Variants in BEGAIN observed in about 807,000 individuals in gnomAD.
BEGAIN encodes the protein brain enriched guanylate kinase associated, also known as brain-enriched guanylate kinase-associated protein.
A neutral mutation model predicts 35.8 loss-of-function variants in BEGAIN; 19 were observed. The observed-to-expected ratio is 0.53, with a 90% CI of 0.37 to 0.78. The LOEUF is 0.78. BEGAIN is among the 30% of genes least tolerant of loss of function. The probability of loss-of-function intolerance (pLI) is 0.00; values close to 1 mark genes in which losing one functional copy is unlikely to be tolerated. For synonymous variants in BEGAIN, 462 were observed against 388.6 expected, an observed-to-expected ratio of 1.19 and a Z score of -2.22; for missense variants, 795 against 853.6, an observed-to-expected ratio of 0.93 and a Z score of 0.85.
At position 100,538,242 on chromosome 14, in the gene BEGAIN, G is replaced by A. The variant is rs767690079; in HGVS notation, c.1566C>T (p.Pro522=). 3 of 1,570,056 alleles carry A rather than the reference G, an allele frequency of 1.9e-6. No homozygotes were observed. Among genetic ancestry groups the A allele is most frequent in the African/African-American group, 2.7e-5 (2 of 73,608 alleles). ...LRAGGDLSLS[P]GRSADPLPGY... ...CGGGCAGTGGGTCAGCCGAGCGGCC[G>A]GGACTGAGGCTCAGGTCGCCGCCCG... The change falls in exon 7 of 7, where the codon CCC becomes CCT. Residue 522 remains proline, a synonymous_variant. Transcript: ENST00000554140.
At chr14:100,545,279 C>T in intron 3 of BEGAIN, 2 of 1,401,100 alleles carry the variant, frequency 1.4e-6, no homozygotes, top group South Asian at 3.1e-5. Context: ...TAGGCCAGGG[C>T]CCAGGACTGT....
Position 100,543,874 on chromosome 14 carries a change from T to C in BEGAIN, c.392A>G (p.Lys131Arg), listed in dbSNP as rs1276085930. ...GGCACTCACGTTGTCCTCTGACAGC[T>C]TGTCGATGGTCACCTTGGCTTCTAG... The part of the protein sequence containing the change: ...HLLEAKVTID[K>R]LSEDNELYRK... Residue 131 changes from lysine to arginine, a missense_variant, in exon 5 of 7, where the codon AAG becomes AGG. Coordinates refer to ENST00000554140, the MANE Select transcript of BEGAIN (RefSeq NM_001385089.1). 1 of 1,613,408 alleles carries C rather than the reference T, an allele frequency of 6.2e-7. No homozygotes were observed. The highest frequency in any genetic ancestry group is 8.5e-7 in the Non-Finnish European group (1 of 1,179,814).
intron 6 of BEGAIN, 95 bp downstream of exon 6, chr14:100,540,401 T>C (rs1409124044): frequency 3.1e-6 from 3 of 955,726 alleles, no homozygotes; most frequent in African/African-American, 3.3e-5. Flanking sequence ...GGCATCTTCC[T>C]CCTCAAAGAT....
intron 2 of BEGAIN, 113 bp from the exon 3 acceptor site, chr14:100,546,775 C>T (rs1353696813): frequency 3.1e-5 from 22 of 717,926 alleles, no homozygotes; most frequent in Middle Eastern, 4.2e-4. Context: ...CGCGCGCGCG[C>T]GCGCGCACAC....
chr14:100,574,754 CG>C (rs2139749760), intron 1 of BEGAIN, among the ~76,000 whole-genome samples: 1 of 152,214 alleles, frequency 6.6e-6, no homozygotes, highest in South Asian at 2.1e-4. Flanking sequence ...TCCCTATTAT[CG>C]GGAGGCTGAG....
rs1030900865 is a variant in BEGAIN at position 100,568,568 on chromosome 14, C to T, written c.43-629G>A. On this transcript the variant is annotated intron_variant, in intron 1 of 6. Transcript: ENST00000554140. This position sits in a 1 kb window ranked among gnomAD's most constrained non-coding sequence, Gnocchi z 7.5. ...CCCCAGGGATTAACCCGTGAGCGCC[C>T]GGCTCGCCGGCGGGGCTCCCTGCCT... 5 of 1,246,750 alleles carry T rather than the reference C, an allele frequency of 4.0e-6. No homozygotes were observed. Among genetic ancestry groups the T allele is most frequent in the African/African-American group, 3.1e-5 (2 of 64,392 alleles). The allele number at this position is 1,246,750 out of a possible 1,614,324, so 77.2% of individuals were successfully genotyped here.
chr14:100,570,874 T>C (rs559131223), intron 1 of BEGAIN, among the ~76,000 whole-genome samples: 13 of 152,212 alleles, frequency 8.5e-5, no homozygotes, highest in Non-Finnish European at 5.9e-5. Flanking sequence ...ATGAAGTGGC[T>C]TGCTCAAGTC....
rs2035447231 is a variant in BEGAIN, at chr14:100,586,467, C to T, written c.42+782G>A. On this transcript the variant is annotated intron_variant, in intron 1 of 6. Transcript: ENST00000554140. This position sits in a 1 kb window ranked among gnomAD's most constrained non-coding sequence, Gnocchi z 4.9. ...GGCTCAGGAGACTCCAGCGCGTCGC[C>T]CACGCTGTTCCTGCCCTGAGGAAAC... Among the ~76,000 whole-genome samples, 1 of 152,174 alleles carries T rather than the reference C, an allele frequency of 6.6e-6. No homozygotes were observed. The highest frequency in any genetic ancestry group is 2.4e-5 in the African/African-American group (1 of 41,450).
At chr14:100,543,742 A>G in intron 5 of BEGAIN, 116 bp downstream of exon 5, 1 of 804,930 alleles carries the variant, frequency 1.2e-6, no homozygotes, top group Non-Finnish European at 2.0e-6. Context: ...GGCTGGGGCC[A>G]AAGCAGCTGA....
Position 100,567,457 on chromosome 14 carries a change from G to A in BEGAIN, c.71+454C>T, listed in dbSNP as rs1448650931. On this transcript the variant is annotated intron_variant, in intron 2 of 6. Coordinates refer to ENST00000554140, the MANE Select transcript of BEGAIN (RefSeq NM_001385089.1). The surrounding 1 kb of genome is among the most constrained non-coding windows in gnomAD (Gnocchi z 5.1). ...AGAGGCGGACACTTAAAAGCTCAGA[G>A]CCAGGCAACTGGCAGCCCGGGGGCT... is the stretch of plus-strand genomic sequence containing the variant. Among the ~76,000 whole-genome samples the A allele has an allele frequency of 1.4e-5, 2 of 146,112 alleles. No individual in the cohort carries two copies. The highest frequency in any genetic ancestry group is 3.0e-5 in the Non-Finnish European group (2 of 66,190).
chr14:100,542,014 G>A (rs2031702645), intron 5 of BEGAIN, among the ~76,000 whole-genome samples: 2 of 152,252 alleles, frequency 1.3e-5, no homozygotes, highest in African/African-American at 4.8e-5. Context: ...AGCTGGCCAT[G>A]CCTTAGTTTC....
chr14:100,537,687 TC>T lies in BEGAIN; in HGVS notation c.*281del. ...ACCCTTTTTCTCTATAAAAATAGTT[TC>T]GCTTTATAAAAGGGGGGATGCTCCT... On this transcript the variant is annotated 3_prime_UTR_variant, in exon 7 of 7. Coordinates refer to ENST00000554140, the MANE Select transcript of BEGAIN (RefSeq NM_001385089.1). 1 of 422,542 alleles carries T rather than the reference TC, an allele frequency of 2.4e-6. No individual in the cohort carries two copies. The highest frequency in any genetic ancestry group is 4.2e-6 in the Non-Finnish European group (1 of 240,116). The allele number at this position is 422,542 out of a possible 1,614,324, so 26.2% of individuals were successfully genotyped here. A position where few individuals can be genotyped will look rare whatever the true frequency, so the allele number is the denominator to read the frequency against.
Position 100,545,035 on chromosome 14 carries a change from T to G in BEGAIN, c.265A>C (p.Ile89Leu). 6.2e-7 allele frequency: 1 copy of G among 1,613,252 alleles called. No homozygotes were observed. Among genetic ancestry groups the G allele is most frequent in the South Asian group, 1.1e-5 (1 of 91,078 alleles). The change falls in exon 4 of 7, where the codon ATC (isoleucine) becomes CTC (leucine). Residue 89 changes from isoleucine (I) to leucine (L), a missense_variant. By Grantham distance (5) the Ile-to-Leu change is conservative (BLOSUM62 2). Coordinates refer to ENST00000554140, the MANE Select transcript of BEGAIN (RefSeq NM_001385089.1). Reference protein sequence around the residue: ...IQSNYMALQRINQELEDKLYR... With the variant: ...IQSNYMALQRLNQELEDKLYR... The stretch of plus-strand genomic sequence containing the variant: ...AGCTTGTCCTCCAGCTCCTGGTTGA[T>G]CCTCTGCAGTGCCATGTAGTTGCTC...
At chr14:100,545,687 A>C (rs1245423317) in intron 3 of BEGAIN, among the ~76,000 whole-genome samples, 1 of 152,128 alleles carries the variant, frequency 6.6e-6, no homozygotes, top group East Asian at 1.9e-4. Flanking sequence ...GTGAAACTTT[A>C]ATTACTTAAA....
intron 2 of BEGAIN, among the ~76,000 whole-genome samples, chr14:100,557,926 C>A (rs1319891297): frequency 1.3e-5 from 2 of 152,158 alleles, no homozygotes; most frequent in Non-Finnish European, 2.9e-5. Context: ...CTCCACATGC[C>A]CCACCTACCA....
At chr14:100,585,377 CCCAT>C (rs1197164969) in intron 1 of BEGAIN, among the ~76,000 whole-genome samples, 1 of 67,962 alleles carries the variant, frequency 1.5e-5, no homozygotes. Context: ...CTCCCTCCCT[CCCAT>C]CCATCCATCC....
intron 1 of BEGAIN, among the ~76,000 whole-genome samples, chr14:100,574,957 C>G (rs2035171397): frequency 6.6e-6 from 1 of 152,204 alleles, no homozygotes; most frequent in South Asian, 2.1e-4. Flanking sequence ...GTCATTCACA[C>G]TAGTATAAAT....
At chr14:100,583,021 T>C (rs1293184252) in intron 1 of BEGAIN, among the ~76,000 whole-genome samples, 1 of 150,500 alleles carries the variant, frequency 6.6e-6, no homozygotes, top group Non-Finnish European at 1.5e-5. Flanking sequence ...CATCCACCCC[T>C]GTGACCGCTC....
Position 100,537,433 on chromosome 14 carries a change from C to G in BEGAIN, c.*536G>C, listed in dbSNP as rs915399182. On this transcript the variant is annotated 3_prime_UTR_variant, in exon 7 of 7. Transcript: ENST00000554140. ...GGATTTTTAAAACACTTCATAGCCC[C>G]GAATTTGTTTCAGCTCCCTCTTCGT... 6.5e-6 allele frequency: 1 copy of G among 152,872 alleles called. No homozygotes were observed. Among genetic ancestry groups the G allele is most frequent in the Non-Finnish European group, 1.5e-5 (1 of 68,512 alleles). 9.5% of individuals were successfully genotyped at this position (152,872 alleles called of 1,614,324 possible).
Sources: allele counts gnomAD v4.1 joint callset (sites outside exome capture counted in the v4.1 genomes callset), GRCh38; gene constraint gnomAD v4.1.1; non-coding constraint Gnocchi (gnomAD v3.1); transcripts MANE v1.5; gene names NCBI Gene and HGNC (gene_info 2026-07-23, HGNC 2026-07-21).